The following AKAP7 variants were observed in gnomAD, a reference collection of about 807,000 sequenced individuals.
AKAP7 encodes the protein A kinase (PRKA) anchor protein 7.
Under a neutral mutation model 39.5 loss-of-function variants are expected in AKAP7, and 39 were observed. That is an observed-to-expected ratio of 0.99 (90% CI 0.76 to 1.29). AKAP7 has a LOEUF of 1.29. Ranked by LOEUF, AKAP7 falls within the 50% of genes most tolerant of loss-of-function variation. AKAP7 has a pLI of 0.00. For missense variants in AKAP7, 414 were observed against 407.7 expected (o/e 1.02, Z -0.13); for synonymous variants, 140 against 139.1 (o/e 1.01, Z -0.05).
Position 131,282,110 on chromosome 6 carries a change from A to G in AKAP7, c.*384A>G. ...GCATTTGACTACTTTATCTGAGGCC[A>G]GAACTCTCACACACAGCTATCAAGT... is the stretch of plus-strand genomic sequence containing the variant. On this transcript the variant is annotated 3_prime_UTR_variant, in exon 8 of 8. Coordinates refer to ENST00000431975, the MANE Select transcript of AKAP7 (RefSeq NM_016377.4). The G allele has an allele frequency of 1.7e-6, 2 of 1,157,712 alleles. No homozygotes were observed. The highest frequency in any genetic ancestry group is 2.1e-6 in the Non-Finnish European group (2 of 941,526). 71.7% of individuals were successfully genotyped at this position (1,157,712 alleles called of 1,614,324 possible).
chr6:131,184,631 C>G (rs1805634975), intron 5 of AKAP7: 1 of 756,764 alleles, frequency 1.3e-6, no homozygotes, highest in Non-Finnish European at 2.5e-6. Context: ...ACCACCTCCT[C>G]AGGTTGTCCC....
At chr6:131,280,304 T>C (rs1447678626) in intron 7 of AKAP7, among the ~76,000 whole-genome samples, 1 of 152,112 alleles carries the variant, frequency 6.6e-6, no homozygotes, top group Non-Finnish European at 1.5e-5. Flanking sequence ...TACCCTCTCT[T>C]CTGCTTAGGG....
At chr6:131,175,522 A>G (rs1804494495) in intron 5 of AKAP7, among the ~76,000 whole-genome samples, 1 of 152,240 alleles carries the variant, frequency 6.6e-6, no homozygotes, top group African/African-American at 2.4e-5. Context: ...ATAAAGAGTC[A>G]TTTAGAATTT....
At chr6:131,210,723 A>C (rs2128290995) in intron 6 of AKAP7, among the ~76,000 whole-genome samples, 1 of 152,346 alleles carries the variant, frequency 6.6e-6, no homozygotes, top group African/African-American at 2.4e-5. Context: ...TTTGGTCTCC[A>C]GCACTACTGT....
chr6:131,138,521 A>G (rs1319347987), intron 1 of AKAP7, among the ~76,000 whole-genome samples: 1 of 152,200 alleles, frequency 6.6e-6, no homozygotes, highest in Non-Finnish European at 1.5e-5. Context: ...GAGAGCAGTA[A>G]GAAGAACATC....
At chr6:131,187,234 T>A (rs1190804) in intron 5 of AKAP7, among the ~76,000 whole-genome samples, 125,427 of 152,062 alleles carry the variant, frequency 0.82, 51,883 homozygotes, top group Middle Eastern at 0.92. Context: ...AACAATATGT[T>A]GTCCTTCGGT....
At chr6:131,277,341 A>G (rs1036674027) in intron 7 of AKAP7, among the ~76,000 whole-genome samples, 4 of 152,268 alleles carry the variant, frequency 2.6e-5, no homozygotes, top group Admixed American at 6.5e-5. Flanking sequence ...CTAATCTGTC[A>G]TTTTATTAGG....
Position 131,148,471 on chromosome 6 carries a change from T to TC in AKAP7, c.151+3064dup, listed in dbSNP as rs5880050. Among the ~76,000 whole-genome samples the TC allele has an allele frequency of 1.8e-3, 269 of 151,142 alleles. 1 individual carries two copies. The highest frequency in any genetic ancestry group is 6.8e-3 in the Middle Eastern group (2 of 294). On this transcript the variant is annotated intron_variant, in intron 2 of 7. Transcript: ENST00000431975. ...TGACACTTAAAGTGTGGATAAAAATTCCCCCCCCCGTTTATCTCATAGTGT... is the reference window on the plus strand; with the variant it reads ...TGACACTTAAAGTGTGGATAAAAATTCCCCCCCCCCGTTTATCTCATAGTGT...
At chr6:131,193,928 GTTC>G (rs1806663349) in intron 5 of AKAP7, among the ~76,000 whole-genome samples, 1 of 151,728 alleles carries the variant, frequency 6.6e-6, no homozygotes, top group Non-Finnish European at 1.5e-5. Context: ...TATATATTTG[GTTC>G]TTCTATCTTT....
chr6:131,172,402 T>C (rs1415209451), intron 5 of AKAP7, among the ~76,000 whole-genome samples: 1 of 152,072 alleles, frequency 6.6e-6, no homozygotes, highest in Non-Finnish European at 1.5e-5. Context: ...CAGGCTGGAG[T>C]GCAGTGGTGC....
intron 7 of AKAP7, among the ~76,000 whole-genome samples, chr6:131,252,741 T>G (rs1304420346): frequency 6.6e-6 from 1 of 152,212 alleles, no homozygotes; most frequent in Non-Finnish European, 1.5e-5. Context: ...GAATCCATAA[T>G]AGACATTTGG....
intron 7 of AKAP7, among the ~76,000 whole-genome samples, chr6:131,278,285 C>T (rs1006502385): frequency 3.3e-5 from 5 of 152,126 alleles, no homozygotes; most frequent in African/African-American, 1.2e-4. Flanking sequence ...ATAAATAATT[C>T]TCATAATTTG....
intron 7 of AKAP7, among the ~76,000 whole-genome samples, chr6:131,230,958 T>C (rs1287737886): frequency 2.0e-5 from 3 of 152,142 alleles, no homozygotes; most frequent in Non-Finnish European, 4.4e-5. Context: ...GGTAGGGGTG[T>C]TGCCAGTCAT....
rs1274102677 is a variant in AKAP7, at chr6:131,282,307, G to T, written c.*581G>T. ...AAATGCAACCTTTTCTATAAAATGT[G>T]GGCAACATTTTAAAGTTTTTTTAAA... On this transcript the variant is annotated 3_prime_UTR_variant, in exon 8 of 8. Coordinates refer to ENST00000431975, the MANE Select transcript of AKAP7 (RefSeq NM_016377.4). 3.7e-5 allele frequency: 50 copies of T among 1,357,470 alleles called. No individual in the cohort carries two copies. The highest frequency in any genetic ancestry group is 4.2e-5 in the Non-Finnish European group (44 of 1,058,638). The allele number at this position is 1,357,470 out of a possible 1,614,324, so 84.1% of individuals were successfully genotyped here. A position where few individuals can be genotyped will look rare whatever the true frequency, so the allele number is the denominator to read the frequency against.
intron 5 of AKAP7, chr6:131,184,966 G>T: frequency 1.3e-6 from 1 of 779,222 alleles, no homozygotes. Context: ...CGATGCTTGG[G>T]AGCATCTTCA....
intron 7 of AKAP7, among the ~76,000 whole-genome samples, chr6:131,229,821 G>A (rs970106090): frequency 1.3e-5 from 2 of 152,148 alleles, no homozygotes; most frequent in African/African-American, 4.8e-5. Context: ...TCCTCAAAGT[G>A]TCCTTATGTC....
intron 5 of AKAP7, among the ~76,000 whole-genome samples, chr6:131,179,093 G>C (rs1180547892): frequency 6.6e-6 from 1 of 152,100 alleles, no homozygotes; most frequent in Non-Finnish European, 1.5e-5. Context: ...TTATAAGTAA[G>C]CTCTCTATCA....
At position 131,162,528 on chromosome 6, in the gene AKAP7, T is replaced by C. The variant is rs115484860; in HGVS notation, c.291+2330T>C. Reference sequence around the variant, plus strand: ...GGTGATAATACCTCCTTTAGATGACTATTTTTTAAACCCGAATATAGCCGT... The same window carrying C: ...GGTGATAATACCTCCTTTAGATGACCATTTTTTAAACCCGAATATAGCCGT... On this transcript the variant is annotated intron_variant, in intron 3 of 7. Transcript: ENST00000431975. 8.2e-3 allele frequency among the ~76,000 whole-genome samples: 1,246 copies of C among 152,316 alleles called. 17 individuals are homozygous for C. The highest frequency in any genetic ancestry group is 0.029 in the African/African-American group (1,193 of 41,562).
intron 5 of AKAP7, among the ~76,000 whole-genome samples, chr6:131,181,153 A>C (rs761429916): frequency 6.6e-5 from 10 of 151,858 alleles, no homozygotes; most frequent in Non-Finnish European, 1.3e-4. Flanking sequence ...CCAGGCTGGT[A>C]TCAAACTCCT....
Sources: allele counts gnomAD v4.1 joint callset (sites outside exome capture counted in the v4.1 genomes callset), GRCh38; gene constraint gnomAD v4.1.1; transcripts MANE v1.5; gene names NCBI Gene and HGNC (gene_info 2026-07-23, HGNC 2026-07-21).